ZNF721: variants seen among roughly 807,000 people sequenced by gnomAD.
ZNF721 encodes zinc finger protein 721.
ZNF721 carries 2 observed loss-of-function variants against 2.4 expected under a neutral mutation model. The observed-to-expected ratio is 0.82, with a 90% confidence interval of 0.34 to 2.58. The LOEUF (loss-of-function observed/expected upper bound fraction) is 2.58, where lower values mean the gene tolerates loss of function less well. Ranked by LOEUF, ZNF721 falls within the 30% of genes most tolerant of loss-of-function variation. The pLI, the probability that ZNF721 is intolerant of heterozygous loss-of-function variation, is 0.11. For synonymous variants in ZNF721, 398 were observed against 381.8 expected (o/e 1.04, Z -0.50); for missense variants, 1,187 against 1,085.5 (o/e 1.09, Z -1.31).
intron 2 of ZNF721, among the ~76,000 whole-genome samples, chr4:444,979 CTTTTT>C (rs569762644): frequency 5.5e-5 from 6 of 108,732 alleles, no homozygotes; most frequent in Non-Finnish European, 3.5e-5. Flanking sequence ...TGATGAGAGA[CTTTTT>C]TTTTTTTTTT....
rs1553863658 is a variant in ZNF721, at chr4:443,490, A to C, written c.977T>G (p.Ile326Ser). ...QSANLYVHRR[I>S]HTGEKPYTCG... ...TGTGTAGGGTTTCTCTCCAGTATGA[A>C]TTCTCCTATGTACATAAAGGTTTGC... is the stretch of plus-strand genomic sequence containing the variant. The change falls in exon 3 of 3, where the codon ATT becomes AGT. Residue 326 changes from isoleucine (I) to serine (S), a missense_variant. Transcript: ENST00000511833. 1 of 1,613,728 alleles carries C rather than the reference A, an allele frequency of 6.2e-7. No individual in the cohort carries two copies. The highest frequency in any genetic ancestry group is 8.5e-7 in the Non-Finnish European group (1 of 1,179,856).
In ZNF721 at chr4:472,708, A is replaced by G. The variant is rs1715475701; in HGVS notation, c.-93-7T>C. The G allele has an allele frequency of 1.9e-6, 3 of 1,611,506 alleles. No homozygotes were observed. Among genetic ancestry groups the G allele is most frequent in the Middle Eastern group, 1.7e-4 (1 of 6,058 alleles). ...CCCTGAATGTTAAGGGTTCCTGAAA[A>G]TACATATGTATCAAGTGACAGAGTT... On this transcript the variant is annotated splice_polypyrimidine_tract_variant and splice_region_variant and intron_variant, in intron 1 of 2. Coordinates refer to ENST00000511833, the MANE Select transcript of ZNF721 (RefSeq NM_133474.4).
intron 1 of ZNF721, chr4:473,996 A>C (rs782457864): frequency 6.6e-7 from 1 of 1,504,924 alleles, no homozygotes; most frequent in Admixed American, 1.8e-5. Flanking sequence ...CTCAGCTTCA[A>C]GGGTGTCGCG....
intron 1 of ZNF721, among the ~76,000 whole-genome samples, chr4:473,133 A>C (rs1715491301): frequency 6.6e-6 from 1 of 152,180 alleles, no homozygotes; most frequent in Non-Finnish European, 1.5e-5. Flanking sequence ...CACTACGGGA[A>C]GACTGGGCTG....
chr4:497,477 A>C (rs1716214858), intron 1 of ZNF721, among the ~76,000 whole-genome samples: 1 of 152,108 alleles, frequency 6.6e-6, no homozygotes, highest in Non-Finnish European at 1.5e-5. Context: ...TTATTTCCCA[A>C]AGTTAAGGAC....
rs1376677425 is a variant in ZNF721 at position 441,791 on chromosome 4, G to C, written c.2676C>G (p.Pro892=). The C allele has an allele frequency of 9.3e-6, 15 of 1,613,702 alleles. No individual in the cohort carries two copies. Among genetic ancestry groups the C allele is most frequent in the Admixed American group, 1.7e-5 (1 of 59,990 alleles). Residue 892 remains proline (P), a synonymous_variant, in exon 3 of 3, where the codon CCC becomes CCG. Transcript: ENST00000511833. ...TTTTGCCACAGTCTCCACACGTGTA[G>C]GGTTTCTCTCCAGTATGAATTTTCT... The part of the protein sequence containing the change: ...AHKKIHTGEK[P]YTCGDCGKTF...
At chr4:454,792 A>G (rs1714794245) in intron 2 of ZNF721, among the ~76,000 whole-genome samples, 1 of 152,258 alleles carries the variant, frequency 6.6e-6, no homozygotes, top group Non-Finnish European at 1.5e-5. Context: ...GAGCCCCTTG[A>G]CACGTTCATC....
chr4:444,197 A>G lies in ZNF721; in HGVS notation c.270T>C (p.Phe90=). 6.2e-7 allele frequency: 1 copy of G among 1,613,810 alleles called. No individual in the cohort carries two copies. Among genetic ancestry groups the G allele is most frequent in the Non-Finnish European group, 8.5e-7 (1 of 1,179,788 alleles). Residue 90 remains phenylalanine (F), a synonymous_variant, in exon 3 of 3, where the codon TTT becomes TTC. Coordinates refer to ENST00000511833, the MANE Select transcript of ZNF721 (RefSeq NM_133474.4). ...CTTTGTTTGAATTTGCAAATTTACT[A>G]AAAACTTTGACACGTGCATTACATT... is the stretch of plus-strand genomic sequence containing the variant. ...IFQCNARVKV[F]SKFANSNKDK... is the part of the protein sequence containing the mutation.
intron 1 of ZNF721, among the ~76,000 whole-genome samples, chr4:497,325 C>T (rs1374323682): frequency 6.6e-6 from 1 of 151,970 alleles, no homozygotes; most frequent in Non-Finnish European, 1.5e-5. Flanking sequence ...AATCATCCTA[C>T]CAGTTTGGGC....
chr4:487,798 T>G (rs544331450), intron 1 of ZNF721, among the ~76,000 whole-genome samples: 2 of 152,278 alleles, frequency 1.3e-5, no homozygotes, highest in Admixed American at 6.5e-5. Context: ...CACCAAGGTC[T>G]GGGAGCAGGG....
chr4:441,863 T>G lies in ZNF721; in HGVS notation c.2604A>C (p.Gly868=), dbSNP rs782703391. 1.2e-6 allele frequency: 2 copies of G among 1,614,048 alleles called. No homozygotes were observed. The highest frequency in any genetic ancestry group is 1.7e-6 in the Non-Finnish European group (2 of 1,180,016). The part of the protein sequence containing the change: ...IHTGEKPYTC[G]ECGKTFRQSA... ...ACTGTCTAAAGGTTTTGCCACATTC[T>G]CCACATGTGTAGGGTTTCTCTCCAG... Residue 868 remains glycine, a synonymous_variant, in exon 3 of 3, where the codon GGA becomes GGC. Coordinates refer to ENST00000511833, the MANE Select transcript of ZNF721 (RefSeq NM_133474.4).
intron 1 of ZNF721, among the ~76,000 whole-genome samples, 181 bp from the exon 2 acceptor site, chr4:472,882 C>T (rs1553867981): frequency 6.6e-6 from 1 of 152,046 alleles, no homozygotes; most frequent in African/African-American, 2.4e-5. Context: ...CCAACAGTTT[C>T]TGTTCCTGCA....
At chr4:486,145 ATTTCTTTTTTTTTTCT>A (rs1299216342) in intron 1 of ZNF721, among the ~76,000 whole-genome samples, 1 of 127,280 alleles carries the variant, frequency 7.9e-6, no homozygotes, top group African/African-American at 2.6e-5. Flanking sequence ...GTTGAGTGTG[ATTTCTTTTTTTTTTCT>A]TTTCTTTTTT....
Position 472,600 on chromosome 4 carries a change from C to G in ZNF721, c.9G>C (p.Glu3Asp). The change falls in exon 2 of 3, where the codon GAG (glutamate) becomes GAC (aspartate). Residue 3 changes from glutamate (E) to aspartate (D), a missense_variant. Glu to Asp is a conservative substitution (Grantham distance 45, BLOSUM62 2). Coordinates refer to ENST00000511833, the MANE Select transcript of ZNF721 (RefSeq NM_133474.4). ...CTAGGGAGACCAGGTTTCTGTAGTT[C>G]TCCAACATCACATCTCTATACAAAT... ML[E>D]NYRNLVSLAM... 1 of 1,613,672 alleles carries G rather than the reference C, an allele frequency of 6.2e-7. No individual in the cohort carries two copies.
Position 458,276 on chromosome 4 carries a change from G to C in ZNF721, c.35-13844C>G, listed in dbSNP as rs79751610. The stretch of plus-strand genomic sequence containing the variant: ...AGAATCCACAACTGTCTGATGCCCA[G>C]ATAACAGGTCTCCCAAGCATGAATT... On this transcript the variant is annotated intron_variant, in intron 2 of 2. Transcript: ENST00000511833. Among the ~76,000 whole-genome samples the C allele has an allele frequency of 5.2e-3, 797 of 152,274 alleles. 6 individuals are homozygous for C. The highest frequency in any genetic ancestry group is 0.018 in the African/African-American group (753 of 41,566).
chr4:488,727 G>A (rs1553870985), intron 1 of ZNF721, among the ~76,000 whole-genome samples: 1 of 152,114 alleles, frequency 6.6e-6, no homozygotes, highest in South Asian at 2.1e-4. Context: ...CTACTCAGGA[G>A]GCTGAGGCAG....
At chr4:494,741 C>T (rs529892625) in intron 1 of ZNF721, among the ~76,000 whole-genome samples, 165 of 152,178 alleles carry the variant, frequency 1.1e-3, no homozygotes, top group Non-Finnish European at 1.2e-3. Context: ...TTATAGAAAT[C>T]TATCATAGGA....
In ZNF721 at chr4:443,845, G is replaced by A. The variant is rs1165066590; in HGVS notation, c.622C>T (p.Leu208=). The A allele has an allele frequency of 1.2e-6, 2 of 1,613,772 alleles. No individual in the cohort carries two copies. Among genetic ancestry groups the A allele is most frequent in the African/African-American group, 2.7e-5 (2 of 74,898 alleles). ...GTATGAATTTTCTTATATTCATTCA[G>A]GTTTGTGGACCATCCAAAGGCTCTG... The part of the protein sequence containing the change: ...RDRAFGWSTN[L]NEYKKIHTGD... Residue 208 remains leucine (L), a synonymous_variant, in exon 3 of 3, where the codon CTG becomes TTG. Transcript: ENST00000511833.
intron 2 of ZNF721, among the ~76,000 whole-genome samples, chr4:463,698 T>G (rs550142977): frequency 6.6e-6 from 1 of 151,580 alleles, no homozygotes; most frequent in South Asian, 2.1e-4. Context: ...TAAGTGGGAG[T>G]TGAACAATGA....
Sources: gnomAD v4.1 joint callset for allele counts (sites outside exome capture counted in the v4.1 genomes callset) on GRCh38, gnomAD v4.1.1 for gene constraint, MANE v1.5 for transcripts, NCBI Gene and HGNC (gene_info 2026-07-23, HGNC 2026-07-21) for gene names.